AJAP1: variants seen among roughly 807,000 people sequenced by gnomAD.
AJAP1 encodes adherens junction-associated protein 1.
In AJAP1, 5 loss-of-function variants were observed where a neutral mutation model predicts 35.0. The observed-to-expected ratio is 0.14, with a 90% confidence interval of 0.07 to 0.30. AJAP1 has a LOEUF of 0.30. AJAP1 is among the 10% of genes least tolerant of loss of function. AJAP1 has a pLI of 1.00. For synonymous variants in AJAP1, 284 were observed against 249.3 expected (o/e 1.14, Z -1.31); for missense variants, 586 against 571.0 (o/e 1.03, Z -0.27).
chr1:4,731,208 G>A (rs2100298954), intron 2 of AJAP1, among the ~76,000 whole-genome samples: 1 of 152,260 alleles, frequency 6.6e-6, no homozygotes, highest in Middle Eastern at 3.4e-3. Context: ...GGCCTCCTGA[G>A]TAGCTGGGAT....
At chr1:4,660,427 G>C (rs1485777037) in intron 1 of AJAP1, among the ~76,000 whole-genome samples, 1 of 152,000 alleles carries the variant, frequency 6.6e-6, no homozygotes, top group Non-Finnish European at 1.5e-5. Context: ...TCACAATCCT[G>C]TTATATTATT....
intron 1 of AJAP1, 52 bp from the exon 2 acceptor site, chr1:4,711,848 C>A: frequency 1.5e-6 from 2 of 1,362,088 alleles, no homozygotes; most frequent in Non-Finnish European, 1.9e-6. Flanking sequence ...GGGGCCCAGT[C>A]CCCCTCCTGG....
chr1:4,712,186 G>A lies in AJAP1; in HGVS notation c.316G>A (p.Asp106Asn). The change falls in exon 2 of 6, where the codon GAC becomes AAC. Residue 106 changes from aspartate to asparagine, a missense_variant. Physicochemically the swap from Asp to Asn is conservative, Grantham distance 23. Coordinates refer to ENST00000378191, the MANE Select transcript of AJAP1 (RefSeq NM_018836.4). ...PRARRAHRPR[D>N]QAAALVPKAG... ...AGCCAGACGGGCCCACAGGCCCCGG[G>A]ACCAGGCGGCCGCCCTCGTGCCCAA... 1 of 1,566,942 alleles carries A rather than the reference G, an allele frequency of 6.4e-7. No homozygotes were observed. The highest frequency in any genetic ancestry group is 8.6e-7 in the Non-Finnish European group (1 of 1,163,136).
At chr1:4,668,399 G>C (rs757239629) in intron 1 of AJAP1, among the ~76,000 whole-genome samples, 2 of 152,038 alleles carry the variant, frequency 1.3e-5, no homozygotes, top group Non-Finnish European at 2.9e-5. Context: ...GTAGGTGTGA[G>C]GCATCAGTTG....
At position 4,789,047 on chromosome 1, in the gene AJAP1, G is replaced by C. The variant is rs936274371; in HGVS notation, c.*6562G>C. 22 of 152,304 alleles carry C rather than the reference G, an allele frequency of 1.4e-4. No homozygotes were observed. The highest frequency in any genetic ancestry group is 5.3e-4 in the African/African-American group (22 of 41,566). 9.4% of individuals were successfully genotyped at this position (152,304 alleles called of 1,614,324 possible). ...AATGTTCTAAGAGTTACTGTACATA[G>C]AATCAAGAGAGCAGTTTTGAATGAG... On this transcript the variant is annotated 3_prime_UTR_variant, in exon 6 of 6. Coordinates refer to ENST00000378191, the MANE Select transcript of AJAP1 (RefSeq NM_018836.4). This position sits in a 1 kb window ranked among gnomAD's most constrained non-coding sequence, Gnocchi z 4.4.
In AJAP1 at chr1:4,770,171, A is replaced by G. The variant is rs758990703; in HGVS notation, c.917+231A>G. Among the ~76,000 whole-genome samples the G allele has an allele frequency of 6.0e-4, 92 of 152,094 alleles. 1 individual carries two copies. The highest frequency in any genetic ancestry group is 1.0e-3 in the South Asian group (5 of 4,822). ...CCCAGCCTTTGTGACAGAGCTTCTCAGGGTGCGTGTGGTCCTGGGTTCCAG... is the reference window on the plus strand; with the variant it reads ...CCCAGCCTTTGTGACAGAGCTTCTCGGGGTGCGTGTGGTCCTGGGTTCCAG... On this transcript the variant is annotated intron_variant, in intron 3 of 5. Coordinates refer to ENST00000378191, the MANE Select transcript of AJAP1 (RefSeq NM_018836.4).
At chr1:4,685,594 G>T (rs1311043055) in intron 1 of AJAP1, among the ~76,000 whole-genome samples, 1 of 152,168 alleles carries the variant, frequency 6.6e-6, no homozygotes, top group Non-Finnish European at 1.5e-5. Context: ...ATCACCCAGC[G>T]CAGTGTCTTG....
At chr1:4,761,857 C>T (rs1280060350) in intron 2 of AJAP1, among the ~76,000 whole-genome samples, 2 of 152,174 alleles carry the variant, frequency 1.3e-5, no homozygotes, top group Non-Finnish European at 2.9e-5. Flanking sequence ...TCTGGCTGTG[C>T]TAGCAGCTGA....
chr1:4,728,844 G>GC (rs1436702168), intron 2 of AJAP1, among the ~76,000 whole-genome samples: 1 of 152,054 alleles, frequency 6.6e-6, no homozygotes, highest in African/African-American at 2.4e-5. Context: ...TGGCCTCCCT[G>GC]CCGATGGGCT....
At chr1:4,665,410 T>C (rs1022811670) in intron 1 of AJAP1, among the ~76,000 whole-genome samples, 3 of 152,170 alleles carry the variant, frequency 2.0e-5, no homozygotes, top group African/African-American at 7.2e-5. Context: ...TGCCCATTAC[T>C]ACCCTGGAGG....
chr1:4,766,895 T>C (rs1426636863), intron 2 of AJAP1, among the ~76,000 whole-genome samples: 1 of 151,864 alleles, frequency 6.6e-6, no homozygotes, highest in Non-Finnish European at 1.5e-5. Flanking sequence ...AAATGTGGGG[T>C]GGAGATGGGT....
chr1:4,721,494 C>T (rs1477771929), intron 2 of AJAP1, among the ~76,000 whole-genome samples: 2 of 152,228 alleles, frequency 1.3e-5, no homozygotes, highest in Admixed American at 6.5e-5. Context: ...GATGTCCCCA[C>T]CATGTGATTT....
rs1312433557 is a variant in AJAP1, at chr1:4,788,219, G to T, written c.*5734G>T. 6.2e-6 allele frequency: 1 copy of T among 161,062 alleles called. No individual in the cohort carries two copies. 10.0% of individuals were successfully genotyped at this position (161,062 alleles called of 1,614,324 possible). On this transcript the variant is annotated 3_prime_UTR_variant, in exon 6 of 6. Transcript: ENST00000378191. ...CAGGGAGGTCTTAAATGAATGTTTGGGGTTTTGAAACATGCTACCAGCCCT... is the reference window on the plus strand; with the variant it reads ...CAGGGAGGTCTTAAATGAATGTTTGTGGTTTTGAAACATGCTACCAGCCCT...
In AJAP1 at chr1:4,723,296, G is replaced by A. The variant is rs1005216509; in HGVS notation, c.829+10597G>A. ...ACCCTGGCGGCCGTCCAAGGGGAGCGCCTGTGGATACTCCTTGGATTCCTG... is the reference window on the plus strand; with the variant it reads ...ACCCTGGCGGCCGTCCAAGGGGAGCACCTGTGGATACTCCTTGGATTCCTG... On this transcript the variant is annotated intron_variant, in intron 2 of 5. Coordinates refer to ENST00000378191, the MANE Select transcript of AJAP1 (RefSeq NM_018836.4). The surrounding 1 kb of genome is among the most constrained non-coding windows in gnomAD (Gnocchi z 4.3). Among the ~76,000 whole-genome samples, 8 of 152,188 alleles carry A rather than the reference G, an allele frequency of 5.3e-5. No homozygotes were observed. Among genetic ancestry groups the A allele is most frequent in the Non-Finnish European group, 8.8e-5 (6 of 68,036 alleles).
At chr1:4,765,588 T>C (rs1372431911) in intron 2 of AJAP1, among the ~76,000 whole-genome samples, 1 of 152,050 alleles carries the variant, frequency 6.6e-6, no homozygotes, top group African/African-American at 2.4e-5. Flanking sequence ...CACAGACCAA[T>C]AAGATATGGT....
chr1:4,657,240 C>T (rs1291335558), intron 1 of AJAP1, among the ~76,000 whole-genome samples: 2 of 152,170 alleles, frequency 1.3e-5, no homozygotes, highest in African/African-American at 2.4e-5. Context: ...ATCCTCAAGC[C>T]GGATCTTGGG....
At position 4,654,665 on chromosome 1, in the gene AJAP1, G is replaced by GGCGCGGGCGGCGGGGCCCCGGGAT. The variant is rs1638830049; in HGVS notation, c.-760_-737dup. The GGCGCGGGCGGCGGGGCCCCGGGAT allele has an allele frequency of 6.8e-6, 1 of 147,572 alleles. No individual in the cohort carries two copies. Among genetic ancestry groups the GGCGCGGGCGGCGGGGCCCCGGGAT allele is most frequent in the Admixed American group, 6.8e-5 (1 of 14,796 alleles). The allele number at this position is 147,572 out of a possible 1,614,324, so 9.1% of individuals were successfully genotyped here. ...GGGCGGCTCTGCGGCGGGCGCGGTG[G>GGCGCGGGCGGCGGGGCCCCGGGAT]GCGCGGGCGGCGGGGCCCCGGGATC... is the stretch of plus-strand genomic sequence containing the variant. On this transcript the variant is annotated 5_prime_UTR_variant, in exon 1 of 6. In the 5' UTR this introduces an upstream ATG that the reference lacks. Transcript: ENST00000378191. This position sits in a 1 kb window ranked among gnomAD's most constrained non-coding sequence, Gnocchi z 5.1.
At chr1:4,676,215 C>T (rs1467544193) in intron 1 of AJAP1, among the ~76,000 whole-genome samples, 2 of 152,280 alleles carry the variant, frequency 1.3e-5, no homozygotes, top group South Asian at 2.1e-4. Context: ...GTCTTAGTCA[C>T]GCTCCTCCGA....
chr1:4,697,912 G>A (rs369771269), intron 1 of AJAP1, among the ~76,000 whole-genome samples: 3 of 152,350 alleles, frequency 2.0e-5, no homozygotes, highest in East Asian at 3.9e-4. Flanking sequence ...AAGAGCCAAG[G>A]GGACCGCTAA....
Sources: allele counts gnomAD v4.1 joint callset (sites outside exome capture counted in the v4.1 genomes callset), GRCh38; gene constraint gnomAD v4.1.1; non-coding constraint Gnocchi (gnomAD v3.1); transcripts MANE v1.5; gene names NCBI Gene and HGNC (gene_info 2026-07-23, HGNC 2026-07-21).